The following ROBO3 variants were observed in gnomAD, a reference collection of about 807,000 sequenced individuals.
ROBO3 encodes the protein roundabout homolog 3.
Under a neutral mutation model 160.5 loss-of-function variants are expected in ROBO3, and 97 were observed. That is an observed-to-expected ratio of 0.60 (90% CI 0.51 to 0.72). The LOEUF (loss-of-function observed/expected upper bound fraction) is 0.72, where lower values mean the gene tolerates loss of function less well. Among genes scored for constraint, ROBO3 ranks in the 30% least tolerant of loss-of-function variants. ROBO3 has a pLI of 0.00. For missense variants in ROBO3, 1,858 were observed against 1,846.5 expected (o/e 1.01, Z -0.11); for synonymous variants, 780 against 746.2 (o/e 1.05, Z -0.74).
intron 5 of ROBO3, 21 bp downstream of exon 5, chr11:124,870,324 T>C (rs747568941): frequency 4.4e-6 from 7 of 1,608,190 alleles, no homozygotes; most frequent in Non-Finnish European, 5.1e-6. Context: ...CCCTTCTGCC[T>C]GTAGGAAGAC....
At chr11:124,875,794 G>A in intron 15 of ROBO3, 109 bp downstream of exon 15, 2 of 1,482,944 alleles carry the variant, frequency 1.3e-6, no homozygotes, top group Non-Finnish European at 1.9e-6. Flanking sequence ...TTGGCTTTAG[G>A]GTTGGGGATG....
intron 6 of ROBO3, 127 bp from the exon 7 acceptor site, chr11:124,870,887 G>A (rs746531387): frequency 1.1e-4 from 169 of 1,515,008 alleles, no homozygotes; most frequent in African/African-American, 1.5e-4. Context: ...TAAACAGGCC[G>A]GGAGGAAGAG....
At position 124,879,777 on chromosome 11, in the gene ROBO3, C is replaced by G. The variant is rs747009280; in HGVS notation, c.3797-10C>G. ...GCAGGAGGCTCCGCTGAAAACAGCTCCCTCCCCAGACTTGCCCCCACCACC... is the reference window on the plus strand; with the variant it reads ...GCAGGAGGCTCCGCTGAAAACAGCTGCCTCCCCAGACTTGCCCCCACCACC... On this transcript the variant is annotated splice_polypyrimidine_tract_variant and intron_variant, in intron 25 of 27. Coordinates refer to ENST00000397801, the MANE Select transcript of ROBO3 (RefSeq NM_022370.4). The G allele has an allele frequency of 4.3e-6, 7 of 1,613,146 alleles. No individual in the cohort carries two copies. Among genetic ancestry groups the G allele is most frequent in the Middle Eastern group, 1.7e-4 (1 of 5,984 alleles).
intron 1 of ROBO3, among the ~76,000 whole-genome samples, chr11:124,867,108 T>G (rs936011043): frequency 7.2e-5 from 11 of 151,988 alleles, no homozygotes; most frequent in African/African-American, 2.7e-4. Context: ...AAAAGCAGCA[T>G]GAAGCAAAAC....
rs1244027536 is a variant in ROBO3 at position 124,877,649 on chromosome 11, T to C, written c.2977T>C (p.Tyr993His). Residue 993 changes from tyrosine to histidine, a missense_variant, in exon 20 of 28, where the codon TAT becomes CAT. Transcript: ENST00000397801. ...CPSNPDPDDRYYNEAGISLYL... is the reference protein window; with the variant it reads ...CPSNPDPDDRHYNEAGISLYL... The stretch of plus-strand genomic sequence containing the variant: ...TAGCAATCCTGACCCGGACGACAGA[T>C]ATTACAACGGTGAGGAGTTCTCATT... 1.2e-6 allele frequency: 2 copies of C among 1,610,966 alleles called. No homozygotes were observed. The highest frequency in any genetic ancestry group is 1.7e-6 in the Non-Finnish European group (2 of 1,178,792).
Position 124,874,812 on chromosome 11 carries a change from A to T in ROBO3, c.1976A>T (p.Glu659Val). The T allele has an allele frequency of 6.2e-7, 1 of 1,605,908 alleles. No homozygotes were observed. Among genetic ancestry groups the T allele is most frequent in the Non-Finnish European group, 8.5e-7 (1 of 1,176,324 alleles). ...TQDSSPSRPV[E>V]DPWRGQQGLA... is the part of the protein sequence containing the mutation. Reference sequence around the variant, plus strand: ...GATAGCAGCCCCTCTAGGCCAGTGGAGGACCCATGGAGAGGCCAGCAGGGA... The same window carrying T: ...GATAGCAGCCCCTCTAGGCCAGTGGTGGACCCATGGAGAGGCCAGCAGGGA... Residue 659 changes from glutamate to valine, a missense_variant, in exon 13 of 28, where the codon GAG becomes GTG. By Grantham distance (121) the Glu-to-Val change is moderately radical. Transcript: ENST00000397801.
chr11:124,869,428 C>CGGGG lies in ROBO3; in HGVS notation c.488-21_488-20insGGGG. 2.2e-6 allele frequency: 3 copies of CGGGG among 1,383,810 alleles called. No homozygotes were observed. Among genetic ancestry groups the CGGGG allele is most frequent in the Non-Finnish European group, 3.0e-6 (3 of 1,012,428 alleles). The allele number at this position is 1,383,810 out of a possible 1,614,324, so 85.7% of individuals were successfully genotyped here. A position where few individuals can be genotyped will look rare whatever the true frequency, so the allele number is the denominator to read the frequency against. ...ATGTCACTCTACACCCTGCTTATTT[C>CGGGG]GCCCCCCACCGCCCCGCCCAGTCCT... is the stretch of plus-strand genomic sequence containing the variant. On this transcript the variant is annotated intron_variant, in intron 2 of 27. Transcript: ENST00000397801. This position sits in a 1 kb window ranked among gnomAD's most constrained non-coding sequence, Gnocchi z 4.2.
Position 124,878,806 on chromosome 11 carries a change from T to C in ROBO3, c.3533+10T>C. The C allele has an allele frequency of 6.2e-7, 1 of 1,601,824 alleles. No individual in the cohort carries two copies. The highest frequency in any genetic ancestry group is 8.5e-7 in the Non-Finnish European group (1 of 1,172,172). On this transcript the variant is annotated intron_variant, in intron 23 of 27. Coordinates refer to ENST00000397801, the MANE Select transcript of ROBO3 (RefSeq NM_022370.4). The surrounding 1 kb of genome is among the most constrained non-coding windows in gnomAD (Gnocchi z 4.3). ...TCCATCAGATGCCCAGGTAGGGAGG[T>C]ATATAGTACCTCACTCATTGCAAGC...
In ROBO3 at chr11:124,870,666, A is replaced by T; in HGVS notation, c.971A>T (p.Tyr324Phe). The change falls in exon 6 of 28, where the codon TAC becomes TTC. Residue 324 changes from tyrosine to phenylalanine, a missense_variant. Physicochemically the swap from Tyr to Phe is conservative, Grantham distance 22. Transcript: ENST00000397801. Reference sequence around the variant, plus strand: ...GTGAGTGCCGAAGATGAGGGAACGTACACCTGTGTGGCGGAGAACAGTGTG... The same window carrying T: ...GTGAGTGCCGAAGATGAGGGAACGTTCACCTGTGTGGCGGAGAACAGTGTG... ...GHVSAEDEGT[Y>F]TCVAENSVGR... The T allele has an allele frequency of 8.1e-6, 13 of 1,613,368 alleles. No individual in the cohort carries two copies. The highest frequency in any genetic ancestry group is 1.1e-5 in the Non-Finnish European group (13 of 1,179,726).
At position 124,876,003 on chromosome 11, in the gene ROBO3, C is replaced by A. The variant is rs749493341; in HGVS notation, c.2471C>A (p.Ala824Glu). The change falls in exon 16 of 28, where the codon GCA becomes GAA. Residue 824 changes from alanine to glutamate, a missense_variant. Coordinates refer to ENST00000397801, the MANE Select transcript of ROBO3 (RefSeq NM_022370.4). This position sits in a 1 kb window ranked among gnomAD's most constrained non-coding sequence, Gnocchi z 5.3. Reference protein sequence around the residue: ...ESRFHLNRSAAGWARSAMLRG... With the variant: ...ESRFHLNRSAEGWARSAMLRG... ...CGCTTTCACCTCAATCGATCTGCAGCAGGCTGGGCACGCTCCGCAATGCTC... is the reference window on the plus strand; with the variant it reads ...CGCTTTCACCTCAATCGATCTGCAGAAGGCTGGGCACGCTCCGCAATGCTC... 16 of 1,601,090 alleles carry A rather than the reference C, an allele frequency of 1.0e-5. 1 individual carries two copies. In the South Asian group the frequency reaches 1.8e-4, roughly 18 times the overall value.
intron 7 of ROBO3, among the ~76,000 whole-genome samples, chr11:124,871,644 T>C (rs886673467): frequency 5.3e-5 from 8 of 152,170 alleles, no homozygotes; most frequent in African/African-American, 1.7e-4. Context: ...AGAAGCAGAA[T>C]GAACATTAAC....
Position 124,878,602 on chromosome 11 carries a change from G to A in ROBO3, c.3339G>A (p.Trp1113Ter). Residue 1113 changes from tryptophan (W) to a stop codon, truncating the protein, a stop_gained, in exon 23 of 28, where the codon TGG (tryptophan) becomes TGA (stop). Transcript: ENST00000397801. LOFTEE classifies it high-confidence loss of function. This position sits in a 1 kb window ranked among gnomAD's most constrained non-coding sequence, Gnocchi z 4.3. Reference protein sequence around the residue: ...ELEGSSEPEEWCPPMPERSHL... With the variant: ...ELEGSSEPEE The stretch of plus-strand genomic sequence containing the variant: ...ATCCCAGCTCAGAGCCAGAGGAGTG[G>A]TGCCCGCCAATGCCTGAGAGAAGTC... 1 of 1,611,418 alleles carries A rather than the reference G, an allele frequency of 6.2e-7. No homozygotes were observed. Among genetic ancestry groups the A allele is most frequent in the Non-Finnish European group, 8.5e-7 (1 of 1,178,912 alleles).
In ROBO3 at chr11:124,879,930, C is replaced by T. The variant is rs778211433; in HGVS notation, c.3940C>T (p.Arg1314Trp). The T allele has an allele frequency of 3.3e-5, 53 of 1,588,744 alleles. 1 individual carries two copies. The highest frequency in any genetic ancestry group is 3.9e-4 in the Middle Eastern group (2 of 5,188). The stretch of plus-strand genomic sequence containing the variant: ...CCAGGCCGTGCCCCTGGCAGCCCAG[C>T]GGGTGCTCCACCCAGATGGTAAGCA... The part of the protein sequence containing the change: ...AVQAVPLAAQ[R>W]VLHPDEEAWL... The change falls in exon 26 of 28, where the codon CGG (arginine) becomes TGG (tryptophan). Residue 1314 changes from arginine (R) to tryptophan (W), a missense_variant. Arg to Trp is a moderately radical substitution (Grantham distance 101). Transcript: ENST00000397801.
chr11:124,873,597 A>C lies in ROBO3; in HGVS notation c.1619-100A>C, dbSNP rs776555694. The stretch of plus-strand genomic sequence containing the variant: ...TATACTATAGCCCACTCTGACCATC[A>C]CCGCAGCTCAGAGCTCCATAGCTCC... On this transcript the variant is annotated intron_variant, in intron 10 of 27. Transcript: ENST00000397801. This position sits in a 1 kb window ranked among gnomAD's most constrained non-coding sequence, Gnocchi z 4.5. The C allele has an allele frequency of 6.0e-6, 7 of 1,169,886 alleles. No individual in the cohort carries two copies. The highest frequency in any genetic ancestry group is 8.4e-6 in the Non-Finnish European group (7 of 830,558). The allele number at this position is 1,169,886 out of a possible 1,614,324, so 72.5% of individuals were successfully genotyped here.
rs1392096194 is a variant in ROBO3 at position 124,877,290 on chromosome 11, C to A, written c.2827C>A (p.Leu943Ile). 4 of 1,613,842 alleles carry A rather than the reference C, an allele frequency of 2.5e-6. No individual in the cohort carries two copies. The highest frequency in any genetic ancestry group is 2.7e-5 in the African/African-American group (2 of 74,912). Reference protein sequence around the residue: ...PAVSFPHSEGLSGASSRPPMG... With the variant: ...PAVSFPHSEGISGASSRPPMG... ...AGTGTCCTTCCCGCACTCAGAGGGC[C>A]TCTCTGGAGCCAGTTCCAGGTAATT... Residue 943 changes from leucine (L) to isoleucine (I), a missense_variant, in exon 19 of 28, where the codon CTC becomes ATC. By Grantham distance (5) the Leu-to-Ile change is conservative. Coordinates refer to ENST00000397801, the MANE Select transcript of ROBO3 (RefSeq NM_022370.4).
chr11:124,876,308 TG>T lies in ROBO3; in HGVS notation c.2630del (p.Gly877AlafsTer127). 1 of 1,450,188 alleles carries T rather than the reference TG, an allele frequency of 6.9e-7. No homozygotes were observed. The highest frequency in any genetic ancestry group is 9.0e-7 in the Non-Finnish European group (1 of 1,113,728). The allele number at this position is 1,450,188 out of a possible 1,614,324, so 89.8% of individuals were successfully genotyped here. ...CCGGACCTGGAGCCCGGGCTGGAGGTGGGCGCGGGGCTGGCGGTGCGGCTGG... is the reference window on the plus strand; with the variant it reads ...CCGGACCTGGAGCCCGGGCTGGAGGTGGCGCGGGGCTGGCGGTGCGGCTGG... ...SPPDLEPGLE[V>X]GAGLAVRLAR... On this transcript the variant is annotated frameshift_variant, in exon 17 of 28. Coordinates refer to ENST00000397801, the MANE Select transcript of ROBO3 (RefSeq NM_022370.4). LOFTEE classifies it high-confidence loss of function. This position sits in a 1 kb window ranked among gnomAD's most constrained non-coding sequence, Gnocchi z 5.3.
rs747569878 is a variant in ROBO3, at chr11:124,868,791, C to T, written c.161-11C>T. ...CCTGTCTGAACGCTCTGCGCCACCC[C>T]CTGTCCCCAGGGTCAAGGGTAGGAC... On this transcript the variant is annotated splice_polypyrimidine_tract_variant and intron_variant, in intron 1 of 27. Transcript: ENST00000397801. 6.2e-7 allele frequency: 1 copy of T among 1,601,898 alleles called. No individual in the cohort carries two copies. Among genetic ancestry groups the T allele is most frequent in the African/African-American group, 1.3e-5 (1 of 74,800 alleles).
Position 124,876,899 on chromosome 11 carries a change from G to C in ROBO3, c.2780-262G>C, listed in dbSNP as rs1591516812. On this transcript the variant is annotated intron_variant, in intron 17 of 27. Coordinates refer to ENST00000397801, the MANE Select transcript of ROBO3 (RefSeq NM_022370.4). This position sits in a 1 kb window ranked among gnomAD's most constrained non-coding sequence, Gnocchi z 5.3. ...TCCGAGTTCTGCTACTTCCTAGTAA[G>C]GGACGTCTCTGGAGAGATTCTGAGG... 1 of 588,970 alleles carries C rather than the reference G, an allele frequency of 1.7e-6. No individual in the cohort carries two copies. Among genetic ancestry groups the C allele is most frequent in the East Asian group, 2.8e-5 (1 of 35,632 alleles). 36.5% of individuals were successfully genotyped at this position (588,970 alleles called of 1,614,324 possible).
At position 124,876,364 on chromosome 11, in the gene ROBO3, G is replaced by C. The variant is rs970852597; in HGVS notation, c.2683G>C (p.Ala895Pro). 1.4e-6 allele frequency: 2 copies of C among 1,434,568 alleles called. No individual in the cohort carries two copies. The highest frequency in any genetic ancestry group is 1.5e-5 in the African/African-American group (1 of 66,962). 88.9% of individuals were successfully genotyped at this position (1,434,568 alleles called of 1,614,324 possible). Reference protein sequence around the residue: ...ARVLREPAFLAGSGAACGALL... With the variant: ...ARVLREPAFLPGSGAACGALL... ...GGTGCTGCGGGAGCCCGCCTTCCTCGCGGGCAGCGGCGCAGCCTGCGGGGC... is the reference window on the plus strand; with the variant it reads ...GGTGCTGCGGGAGCCCGCCTTCCTCCCGGGCAGCGGCGCAGCCTGCGGGGC... The change falls in exon 17 of 28, where the codon GCG (alanine) becomes CCG (proline). Residue 895 changes from alanine (A) to proline (P), a missense_variant. Ala to Pro is a conservative substitution (Grantham distance 27). Transcript: ENST00000397801. This position sits in a 1 kb window ranked among gnomAD's most constrained non-coding sequence, Gnocchi z 5.3.
Sources: allele counts gnomAD v4.1 joint callset (sites outside exome capture counted in the v4.1 genomes callset), GRCh38; gene constraint gnomAD v4.1.1; non-coding constraint Gnocchi (gnomAD v3.1); transcripts MANE v1.5; gene names NCBI Gene and HGNC (gene_info 2026-07-23, HGNC 2026-07-21).